COQ2: variants seen among roughly 807,000 people sequenced by gnomAD.
COQ2 encodes the protein 4-hydroxybenzoate polyprenyltransferase, mitochondrial.
COQ2 carries 25 observed loss-of-function variants against 35.7 expected under a neutral mutation model. The observed-to-expected ratio is 0.70, with a 90% CI of 0.51 to 0.98. COQ2 has a LOEUF of 0.98. Among genes scored for constraint, COQ2 ranks in the 50% least tolerant of loss-of-function variants. The pLI is 0.00. For synonymous variants in COQ2, 206 were observed against 186.2 expected, an observed-to-expected ratio of 1.11 and a Z score of -0.86; for missense variants, 488 against 473.5, an observed-to-expected ratio of 1.03 and a Z score of -0.28.
chr4:83,280,188 TA>T (rs1286888303), intron 1 of COQ2, among the ~76,000 whole-genome samples: 1 of 152,208 alleles, frequency 6.6e-6, no homozygotes. Flanking sequence ...ACTTAACCAA[TA>T]AACTAGAGGA....
intron 2 of COQ2, among the ~76,000 whole-genome samples, chr4:83,276,635 A>G (rs961872884): frequency 4.6e-5 from 7 of 152,220 alleles, no homozygotes; most frequent in African/African-American, 1.7e-4. Flanking sequence ...GGAAAACAGC[A>G]TGGAGATTTC....
intron 6 of COQ2, among the ~76,000 whole-genome samples, chr4:83,265,959 C>T (rs1299873135): frequency 6.6e-6 from 1 of 152,198 alleles, no homozygotes; most frequent in Non-Finnish European, 1.5e-5. Flanking sequence ...GCCACTGCGC[C>T]TGGCCGAATA....
At chr4:83,267,465 T>C (rs2126171513) in intron 6 of COQ2, 121 bp downstream of exon 6, 6 of 837,834 alleles carry the variant, frequency 7.2e-6, no homozygotes, top group East Asian at 2.8e-5. Context: ...TTAAAGGTAG[T>C]AGAAGCCAAG....
chr4:83,268,118 T>A (rs543946296), intron 5 of COQ2, among the ~76,000 whole-genome samples: 4 of 152,338 alleles, frequency 2.6e-5, no homozygotes, highest in South Asian at 2.1e-4. Context: ...AGTGTTAGGA[T>A]TAAAATTCAG....
intron 3 of COQ2, 88 bp downstream of exon 3, chr4:83,273,408 C>T (rs1735094221): frequency 1.4e-6 from 2 of 1,387,990 alleles, no homozygotes; most frequent in South Asian, 2.7e-5. Context: ...AAATGAACAA[C>T]TTTGTGATAA....
rs373638248 is a variant in COQ2, at chr4:83,284,370, C to G, written c.253+142G>C. ...TGTCCCGAGGTGATTCGCCCCAGGG[C>G]GCACGGCACCCGGCAGCCAAGCCCA... On this transcript the variant is annotated intron_variant, in intron 1 of 6. Coordinates refer to ENST00000647002, the MANE Select transcript of COQ2 (RefSeq NM_001358921.2). 1.3e-4 allele frequency: 177 copies of G among 1,406,908 alleles called. 1 individual carries two copies. In the South Asian group the frequency reaches 2.7e-3, roughly 22 times the overall value. The allele number at this position is 1,406,908 out of a possible 1,614,324, so 87.2% of individuals were successfully genotyped here. A position where few individuals can be genotyped will look rare whatever the true frequency, so the allele number is the denominator to read the frequency against.
At chr4:83,264,999 G>A (rs930068637) in intron 6 of COQ2, among the ~76,000 whole-genome samples, 1 of 152,132 alleles carries the variant, frequency 6.6e-6, no homozygotes, top group African/African-American at 2.4e-5. Context: ...AACCAAAAAT[G>A]CCCTCCCACA....
chr4:83,276,068 T>A (rs55805428), intron 2 of COQ2, among the ~76,000 whole-genome samples: 29 of 10,206 alleles, frequency 2.8e-3, no homozygotes, highest in South Asian at 0.023. Flanking sequence ...TAATATATAT[T>A]TTATATATAA....
At chr4:83,268,251 C>T (rs1734969334) in intron 5 of COQ2, among the ~76,000 whole-genome samples, 1 of 152,234 alleles carries the variant, frequency 6.6e-6, no homozygotes, top group South Asian at 2.1e-4. Flanking sequence ...TACCACCTAA[C>T]CACATCCACT....
chr4:83,285,051 A>C, upstream of COQ2: 1 of 621,710 alleles, frequency 1.6e-6, no homozygotes, highest in Non-Finnish European at 2.7e-6. Flanking sequence ...ATTATCGGGC[A>C]ACACTCAGAA....
chr4:83,278,178 C>T (rs958125025), intron 2 of COQ2, among the ~76,000 whole-genome samples: 1 of 152,062 alleles, frequency 6.6e-6, no homozygotes, highest in African/African-American at 2.4e-5. Flanking sequence ...AATCAAATTT[C>T]AATTGATTAT....
rs2126171685 is a variant in COQ2 at position 83,267,779 on chromosome 4, T to C, written c.763-5A>G. 2 of 1,532,196 alleles carry C rather than the reference T, an allele frequency of 1.3e-6. No homozygotes were observed. The highest frequency in any genetic ancestry group is 2.5e-5 in the East Asian group (1 of 40,600). 94.9% of individuals were successfully genotyped at this position (1,532,196 alleles called of 1,614,324 possible). On this transcript the variant is annotated splice_region_variant and splice_polypyrimidine_tract_variant and intron_variant, in intron 5 of 6. Transcript: ENST00000647002. ...CAAAACATCATCTCTTTTGTCCTAATATCAGAAAGAAAAATAAACTGTTTT... is the reference window on the plus strand; with the variant it reads ...CAAAACATCATCTCTTTTGTCCTAACATCAGAAAGAAAAATAAACTGTTTT...
At position 83,275,282 on chromosome 4, in the gene COQ2, C is replaced by T. The variant is rs116495168; in HGVS notation, c.421-1665G>A. On this transcript the variant is annotated intron_variant, in intron 2 of 6. Coordinates refer to ENST00000647002, the MANE Select transcript of COQ2 (RefSeq NM_001358921.2). ...ATGAGACTATGAATCTTATTTAAACCTTTTATTTCAGTTGACTTTTTTTGA... is the reference window on the plus strand; with the variant it reads ...ATGAGACTATGAATCTTATTTAAACTTTTTATTTCAGTTGACTTTTTTTGA... Among the ~76,000 whole-genome samples the T allele has an allele frequency of 1.7e-3, 263 of 152,196 alleles. 2 individuals carry two copies. Among genetic ancestry groups the T allele is most frequent in the African/African-American group, 6.1e-3 (255 of 41,532 alleles).
chr4:83,279,026 GA>G lies in COQ2; in HGVS notation c.341del (p.Leu114ProfsTer8). 1 of 1,606,014 alleles carries G rather than the reference GA, an allele frequency of 6.2e-7. No homozygotes were observed. The highest frequency in any genetic ancestry group is 8.5e-7 in the Non-Finnish European group (1 of 1,175,898). On this transcript the variant is annotated frameshift_variant, in exon 2 of 7. Coordinates refer to ENST00000647002, the MANE Select transcript of COQ2 (RefSeq NM_001358921.2). LOFTEE classifies it high-confidence loss of function. ...GCFPDWYMLS[L>X]FGTGAILMRG... ...GCATCAGAATAGCTCCAGTGCCAAA[GA>G]GGGAGAGCATGTACCAATCTGGAAA...
chr4:83,276,514 C>T (rs1735187322), intron 2 of COQ2, among the ~76,000 whole-genome samples: 1 of 152,144 alleles, frequency 6.6e-6, no homozygotes, highest in Non-Finnish European at 1.5e-5. Context: ...CCATCTTCTA[C>T]GCCAGTCAGA....
At chr4:83,269,812 A>C (rs1735003426) in intron 5 of COQ2, 48 bp downstream of exon 5, 1 of 1,433,102 alleles carries the variant, frequency 7.0e-7, no homozygotes, top group African/African-American at 1.5e-5. Flanking sequence ...TTGGTTCTTT[A>C]AAAACAGCAA....
chr4:83,278,894 G>A, intron 2 of COQ2, 54 bp downstream of exon 2: 1 of 1,473,754 alleles, frequency 6.8e-7, no homozygotes, highest in South Asian at 1.4e-5. Context: ...ATACCACTAT[G>A]TTATTCTGCA....
At chr4:83,281,945 A>G (rs1298074490) in intron 1 of COQ2, among the ~76,000 whole-genome samples, 1 of 149,344 alleles carries the variant, frequency 6.7e-6, no homozygotes, top group Non-Finnish European at 1.5e-5. Flanking sequence ...TTTTGTCCCT[A>G]CTGATTCCTA....
Position 83,272,249 on chromosome 4 carries a change from ATAAG to A in COQ2, c.543-81_543-78del. 5.4e-6 allele frequency: 4 copies of A among 742,734 alleles called. No individual in the cohort carries two copies. The South Asian group carries it at 7.8e-5, about 14-fold the overall frequency. The allele number at this position is 742,734 out of a possible 1,614,324, so 46.0% of individuals were successfully genotyped here. A position where few individuals can be genotyped will look rare whatever the true frequency, so the allele number is the denominator to read the frequency against. On this transcript the variant is annotated intron_variant, in intron 3 of 6. Coordinates refer to ENST00000647002, the MANE Select transcript of COQ2 (RefSeq NM_001358921.2). ...CCACGAAATACTTTAAGACAATGAC[ATAAG>A]TAATACTAATTGGAAAATATATTTT...
Sources: gnomAD v4.1 joint callset for allele counts (sites outside exome capture counted in the v4.1 genomes callset) on GRCh38, gnomAD v4.1.1 for gene constraint, MANE v1.5 for transcripts, NCBI Gene and HGNC (gene_info 2026-07-23, HGNC 2026-07-21) for gene names.